Variants in VAPB observed in about 807,000 individuals in gnomAD.
The protein encoded by VAPB is VAMP associated protein B and C, also known as vesicle-associated membrane protein-associated protein B/C.
A neutral mutation model predicts 25.6 loss-of-function variants in VAPB; 7 were observed. The observed-to-expected ratio is 0.27, with a 90% CI of 0.16 to 0.51. The LOEUF (loss-of-function observed/expected upper bound fraction) is 0.51, where lower values mean the gene tolerates loss of function less well. VAPB is among the 20% of genes least tolerant of loss of function. The pLI, the probability that VAPB is intolerant of heterozygous loss-of-function variation, is 0.97. For missense variants in VAPB, 266 were observed against 301.3 expected (o/e 0.88, Z 0.87); for synonymous variants, 112 against 109.2 (o/e 1.03, Z -0.16).
chr20:58,408,120 G>C (rs576496919), intron 1 of VAPB, among the ~76,000 whole-genome samples: 2 of 152,124 alleles, frequency 1.3e-5, no homozygotes. Flanking sequence ...TAAGCACCCT[G>C]CAAGTCTGGT....
At chr20:58,410,124 G>C (rs1427056474) in intron 1 of VAPB, among the ~76,000 whole-genome samples, 1 of 152,016 alleles carries the variant, frequency 6.6e-6, no homozygotes, top group Non-Finnish European at 1.5e-5. Flanking sequence ...GAGTTCTCTT[G>C]TAACTCCTAC....
Position 58,389,265 on chromosome 20 carries a change from C to T in VAPB, c.-195C>T, listed in dbSNP as rs760083712. 7.3e-5 allele frequency: 50 copies of T among 686,616 alleles called. No homozygotes were observed. Among genetic ancestry groups the T allele is most frequent in the South Asian group, 6.7e-4 (44 of 65,536 alleles). 42.5% of individuals were successfully genotyped at this position (686,616 alleles called of 1,614,324 possible). On this transcript the variant is annotated 5_prime_UTR_variant, in exon 1 of 6. Transcript: ENST00000475243. ...GCTCGCCGGGCACCGCGGCCTCGCC[C>T]TCGCCCTCCGCCCCTGCGCCTGCAC...
At chr20:58,401,331 C>G (rs1272538259) in intron 1 of VAPB, among the ~76,000 whole-genome samples, 1 of 152,042 alleles carries the variant, frequency 6.6e-6, no homozygotes, top group Non-Finnish European at 1.5e-5. Context: ...GTCCTTTTTA[C>G]CCTGTCTAGC....
intron 2 of VAPB, among the ~76,000 whole-genome samples, chr20:58,429,118 A>G (rs1288794387): frequency 6.6e-6 from 1 of 151,694 alleles, no homozygotes; most frequent in African/African-American, 2.4e-5. Flanking sequence ...AAAATGAAGC[A>G]TATGCCATGG....
At chr20:58,422,396 G>A (rs1204043894) in intron 2 of VAPB, among the ~76,000 whole-genome samples, 1 of 152,162 alleles carries the variant, frequency 6.6e-6, no homozygotes, top group Admixed American at 6.5e-5. Context: ...ATTGAAGAAA[G>A]GGAGGTTGGA....
intron 1 of VAPB, among the ~76,000 whole-genome samples, chr20:58,414,673 C>A (rs891419330): frequency 6.4e-4 from 97 of 151,338 alleles, no homozygotes; most frequent in Admixed American, 1.8e-3. Context: ...TGATGGCGGC[C>A]GGAAAGAGGC....
At chr20:58,439,288 AG>A in intron 4 of VAPB, 3 of 475,916 alleles carry the variant, frequency 6.3e-6, no homozygotes, top group Non-Finnish European at 1.1e-5. Flanking sequence ...AATCCTGAAG[AG>A]CTTCTGTGGC....
chr20:58,416,837 A>G (rs1988551352), intron 1 of VAPB, among the ~76,000 whole-genome samples: 1 of 152,040 alleles, frequency 6.6e-6, no homozygotes, highest in African/African-American at 2.4e-5. Flanking sequence ...GCTGGAGATA[A>G]TCCACACACA....
In VAPB at chr20:58,448,290, G is replaced by C; in HGVS notation, c.*4055G>C. On this transcript the variant is annotated 3_prime_UTR_variant, in exon 6 of 6. Coordinates refer to ENST00000475243, the MANE Select transcript of VAPB (RefSeq NM_004738.5). ...CTCTGAGATCATGCTGGCCCTACGCGAATTGAGTTTCTGTGGCCTAATTGG... is the reference window on the plus strand; with the variant it reads ...CTCTGAGATCATGCTGGCCCTACGCCAATTGAGTTTCTGTGGCCTAATTGG... 1 of 453,666 alleles carries C rather than the reference G, an allele frequency of 2.2e-6. No individual in the cohort carries two copies. The highest frequency in any genetic ancestry group is 4.4e-6 in the Non-Finnish European group (1 of 226,472). 28.1% of individuals were successfully genotyped at this position (453,666 alleles called of 1,614,324 possible).
chr20:58,447,704 C>T lies in VAPB; in HGVS notation c.*3469C>T, dbSNP rs1318999240. The T allele has an allele frequency of 2.2e-6, 1 of 453,754 alleles. No homozygotes were observed. The highest frequency in any genetic ancestry group is 2.0e-5 in the African/African-American group (1 of 49,976). The allele number at this position is 453,754 out of a possible 1,614,324, so 28.1% of individuals were successfully genotyped here. ...CATGTGTGGCATATGTGCCGTATGT[C>T]AGTAGCTTGACAGTTTTCAAATCGT... is the stretch of plus-strand genomic sequence containing the variant. On this transcript the variant is annotated 3_prime_UTR_variant, in exon 6 of 6. Coordinates refer to ENST00000475243, the MANE Select transcript of VAPB (RefSeq NM_004738.5).
chr20:58,414,039 T>G (rs575029115), intron 1 of VAPB, among the ~76,000 whole-genome samples: 3 of 24 alleles, frequency 0.12, no homozygotes, highest in Non-Finnish European at 0.38. Context: ...GCGGCTGGCC[T>G]GGCAGAGGGG....
At chr20:58,405,247 A>G (rs1029477180) in intron 1 of VAPB, among the ~76,000 whole-genome samples, 1 of 152,174 alleles carries the variant, frequency 6.6e-6, no homozygotes, top group African/African-American at 2.4e-5. Context: ...GAAGAGCATT[A>G]CAGACAGATG....
intron 1 of VAPB, among the ~76,000 whole-genome samples, chr20:58,409,608 T>TA (rs1185032418): frequency 1.3e-5 from 2 of 152,190 alleles, no homozygotes; most frequent in Non-Finnish European, 2.9e-5. Flanking sequence ...ATACTGTACC[T>TA]AATTTGTGTT....
chr20:58,429,685 G>C (rs1391126254), intron 2 of VAPB, among the ~76,000 whole-genome samples: 1 of 152,196 alleles, frequency 6.6e-6, no homozygotes, highest in Admixed American at 6.5e-5. Flanking sequence ...TTTCACCTGA[G>C]GGCCAGGTAC....
chr20:58,450,727 A>G lies in VAPB; in HGVS notation c.*6492A>G. 1 of 453,870 alleles carries G rather than the reference A, an allele frequency of 2.2e-6. No individual in the cohort carries two copies. Among genetic ancestry groups the G allele is most frequent in the South Asian group, 1.6e-5 (1 of 64,450 alleles). The allele number at this position is 453,870 out of a possible 1,614,324, so 28.1% of individuals were successfully genotyped here. A position where few individuals can be genotyped will look rare whatever the true frequency, so the allele number is the denominator to read the frequency against. ...TTTATAGTCTTCAATGTATGTTAAC[A>G]TGTTAGGAACTGAGTATCTTAAGAG... On this transcript the variant is annotated 3_prime_UTR_variant, in exon 6 of 6. Transcript: ENST00000475243.
chr20:58,414,919 C>T (rs1489894923), intron 1 of VAPB, among the ~76,000 whole-genome samples: 1 of 152,250 alleles, frequency 6.6e-6, no homozygotes, highest in Non-Finnish European at 1.5e-5. Flanking sequence ...CGCCACTGCA[C>T]TCCAGCCTGG....
In VAPB at chr20:58,444,677, C is replaced by G. The variant is rs1393717019; in HGVS notation, c.*442C>G. ...CTCCACACAGTAGTCCCCACGTGGC[C>G]CACTCCCGGCCCAGGCTGCTTTCCG... is the stretch of plus-strand genomic sequence containing the variant. On this transcript the variant is annotated 3_prime_UTR_variant, in exon 6 of 6. Coordinates refer to ENST00000475243, the MANE Select transcript of VAPB (RefSeq NM_004738.5). The G allele has an allele frequency of 2.2e-6, 1 of 454,460 alleles. No homozygotes were observed. The highest frequency in any genetic ancestry group is 6.9e-5 in the East Asian group (1 of 14,394). 28.2% of individuals were successfully genotyped at this position (454,460 alleles called of 1,614,324 possible).
In VAPB at chr20:58,447,464, A is replaced by G. The variant is rs368241632; in HGVS notation, c.*3229A>G. The stretch of plus-strand genomic sequence containing the variant: ...GACGACTTATACCTCCATAACACAG[A>G]AGGGGGAAAAATGAAGAACCTCCAG... On this transcript the variant is annotated 3_prime_UTR_variant, in exon 6 of 6. Coordinates refer to ENST00000475243, the MANE Select transcript of VAPB (RefSeq NM_004738.5). 17 of 454,114 alleles carry G rather than the reference A, an allele frequency of 3.7e-5. No homozygotes were observed. In the East Asian group the frequency reaches 1.0e-3, roughly 28 times the overall value. The allele number at this position is 454,114 out of a possible 1,614,324, so 28.1% of individuals were successfully genotyped here. A position where few individuals can be genotyped will look rare whatever the true frequency, so the allele number is the denominator to read the frequency against.
At chr20:58,399,802 A>T (rs1357753846) in intron 1 of VAPB, among the ~76,000 whole-genome samples, 3 of 151,602 alleles carry the variant, frequency 2.0e-5, no homozygotes, top group Non-Finnish European at 4.4e-5. Flanking sequence ...ATTGTGAGCT[A>T]TTTGTTTATT....
Sources: gnomAD v4.1 joint callset for allele counts (sites outside exome capture counted in the v4.1 genomes callset) on GRCh38, gnomAD v4.1.1 for gene constraint, MANE v1.5 for transcripts, NCBI Gene and HGNC (gene_info 2026-07-23, HGNC 2026-07-21) for gene names.